Variants in TTC28 observed in about 807,000 individuals in gnomAD.
TTC28 encodes the protein tetratricopeptide repeat protein 28.
Under a neutral mutation model 198.0 loss-of-function variants are expected in TTC28, and 61 were observed. The ratio of observed to expected loss-of-function variants is 0.31; its 90% CI spans 0.25 to 0.38. The LOEUF is 0.38. TTC28 is among the 10% of genes least tolerant of loss of function. The probability of loss-of-function intolerance (pLI) is 1.00; values close to 1 mark genes in which losing one functional copy is unlikely to be tolerated. For missense variants in TTC28, 2,678 were observed against 3,164.0 expected (o/e 0.85, Z 3.69); for synonymous variants, 1,171 against 1,297.8 (o/e 0.90, Z 2.10).
intron 3 of TTC28, among the ~76,000 whole-genome samples, chr22:28,304,738 A>G (rs577325034): frequency 1.3e-5 from 2 of 152,322 alleles, no homozygotes; most frequent in South Asian, 2.1e-4. Context: ...ATTCACTCCA[A>G]TATTCTAAGG....
At position 28,511,476 on chromosome 22, in the gene TTC28, C is replaced by T. The variant is rs191917786; in HGVS notation, c.381+118076G>A. Among the ~76,000 whole-genome samples, 219 of 152,180 alleles carry T rather than the reference C, an allele frequency of 1.4e-3. 1 individual carries two copies. The highest frequency in any genetic ancestry group is 2.6e-3 in the Admixed American group (39 of 15,268). On this transcript the variant is annotated intron_variant, in intron 2 of 22. Transcript: ENST00000397906. ...CCATATGCAGAAAATTAAAACTGGA[C>T]CCCTTCCTTACACCATATACAAAAA...
intron 1 of TTC28, among the ~76,000 whole-genome samples, chr22:28,669,148 G>T (rs2051835569): frequency 8.1e-6 from 1 of 123,852 alleles, no homozygotes; most frequent in South Asian, 3.1e-4. Flanking sequence ...TCTGGGGACT[G>T]TGGTGGGGTA....
intron 5 of TTC28, among the ~76,000 whole-genome samples, chr22:28,242,092 C>A (rs1049746787): frequency 1.3e-5 from 2 of 152,112 alleles, no homozygotes. Flanking sequence ...GAAACTATTT[C>A]GGGGGATCTT....
chr22:28,337,651 T>C (rs1415565913), intron 2 of TTC28, among the ~76,000 whole-genome samples: 2 of 152,190 alleles, frequency 1.3e-5, no homozygotes, highest in Non-Finnish European at 2.9e-5. Context: ...TATCCGAGAG[T>C]AGGATTGCAA....
intron 5 of TTC28, among the ~76,000 whole-genome samples, chr22:28,233,916 T>G (rs1042074544): frequency 5.9e-5 from 9 of 151,428 alleles, no homozygotes; most frequent in South Asian, 2.1e-4. Context: ...TTAGTTTTTT[T>G]TTTTTTTTTT....
intron 1 of TTC28, among the ~76,000 whole-genome samples, chr22:28,674,018 C>T (rs2051934133): frequency 6.6e-6 from 1 of 152,090 alleles, no homozygotes; most frequent in Admixed American, 6.5e-5. Flanking sequence ...GCACACAAAA[C>T]AAGAATCATA....
chr22:28,183,010 C>G (rs1375732975), intron 5 of TTC28, among the ~76,000 whole-genome samples: 1 of 151,530 alleles, frequency 6.6e-6, no homozygotes, highest in African/African-American at 2.4e-5. Flanking sequence ...CTCTTCAGAG[C>G]AGAATTTGAA....
At chr22:28,490,299 C>T (rs2048359022) in intron 2 of TTC28, among the ~76,000 whole-genome samples, 1 of 152,204 alleles carries the variant, frequency 6.6e-6, no homozygotes, top group Admixed American at 6.5e-5. Flanking sequence ...AATGTCATGG[C>T]TTTAAGTAAC....
At chr22:28,066,542 A>G (rs544875405) in intron 12 of TTC28, among the ~76,000 whole-genome samples, 5 of 152,102 alleles carry the variant, frequency 3.3e-5, no homozygotes, top group Non-Finnish European at 7.4e-5. Context: ...TCTATGACTT[A>G]GATTTTTATA....
intron 5 of TTC28, among the ~76,000 whole-genome samples, chr22:28,221,569 C>T (rs1034095081): frequency 2.0e-5 from 3 of 152,168 alleles, no homozygotes; most frequent in Non-Finnish European, 4.4e-5. Flanking sequence ...CATGATAACA[C>T]AGCCTCAGTC....
At position 27,998,860 on chromosome 22, in the gene TTC28, G is replaced by A. The variant is rs1466316295; in HGVS notation, c.4799C>T (p.Pro1600Leu). The stretch of plus-strand genomic sequence containing the variant: ...GGCAGTAAGCAGCAGCTCCTGCAGG[G>A]GCGGGCAGTCCGAGATGCTCTCCCC... ...SDGESISDCP[P>L]LQELLLTAAD... The change falls in exon 16 of 23, where the codon CCC becomes CTC. Residue 1600 changes from proline to leucine, a missense_variant. Physicochemically the swap from Pro to Leu is moderately conservative, Grantham distance 98. Coordinates refer to ENST00000397906, the MANE Select transcript of TTC28 (RefSeq NM_001145418.2). 2 of 1,550,166 alleles carry A rather than the reference G, an allele frequency of 1.3e-6. No individual in the cohort carries two copies. The highest frequency in any genetic ancestry group is 1.7e-6 in the Non-Finnish European group (2 of 1,146,994).
chr22:28,196,454 A>G (rs1330938171), intron 5 of TTC28, among the ~76,000 whole-genome samples: 1 of 152,190 alleles, frequency 6.6e-6, no homozygotes. Context: ...TAATTAAACT[A>G]AAGAGCTTCT....
chr22:28,552,049 T>C (rs9625500), intron 2 of TTC28, among the ~76,000 whole-genome samples: 2,726 of 152,128 alleles, frequency 0.018, 49 homozygotes, highest in Non-Finnish European at 0.025. Context: ...ACAAAATTAA[T>C]ACACACAAAT....
chr22:27,987,762 G>C (rs2146508796), intron 21 of TTC28, among the ~76,000 whole-genome samples: 1 of 152,266 alleles, frequency 6.6e-6, no homozygotes, highest in African/African-American at 2.4e-5. Context: ...ACTCGTGGCA[G>C]TGCCCCCCAA....
chr22:28,381,053 T>C (rs969905175), intron 2 of TTC28, among the ~76,000 whole-genome samples: 22 of 151,674 alleles, frequency 1.5e-4, no homozygotes, highest in Admixed American at 1.2e-3. Context: ...AGGTTTACAG[T>C]TGTTAAAAGA....
At chr22:28,085,448 G>C (rs1478183856) in intron 12 of TTC28, among the ~76,000 whole-genome samples, 1 of 152,112 alleles carries the variant, frequency 6.6e-6, no homozygotes, top group African/African-American at 2.4e-5. Flanking sequence ...ATCCTTTACA[G>C]ACAAGCAAAT....
chr22:28,428,692 G>A lies in TTC28; in HGVS notation c.382-122049C>T, dbSNP rs752308282. 3.0e-4 allele frequency among the ~76,000 whole-genome samples: 46 copies of A among 151,466 alleles called. 1 individual carries two copies. Among genetic ancestry groups the A allele is most frequent in the Non-Finnish European group, 4.7e-4 (32 of 67,884 alleles). ...CTTGTTCTGTTGCCCAGGCTGGAGT[G>A]CAGTGGCACAATCTCAGCTCACTGC... On this transcript the variant is annotated intron_variant, in intron 2 of 22. Transcript: ENST00000397906.
chr22:28,523,686 T>C (rs2048951222), intron 2 of TTC28, among the ~76,000 whole-genome samples: 1 of 152,122 alleles, frequency 6.6e-6, no homozygotes, highest in Non-Finnish European at 1.5e-5. Flanking sequence ...CTCAGAAAGA[T>C]TAAGTTATTT....
In TTC28 at chr22:28,567,372, C is replaced by G. The variant is rs369225176; in HGVS notation, c.381+62180G>C. On this transcript the variant is annotated intron_variant, in intron 2 of 22. Coordinates refer to ENST00000397906, the MANE Select transcript of TTC28 (RefSeq NM_001145418.2). ...CCACTGCACTCTAGCCTGAGTGACA[C>G]AGCAAGACCCTGTCTCAAAAAAAAA... 1.2e-3 allele frequency among the ~76,000 whole-genome samples: 182 copies of G among 146,596 alleles called. 3 individuals are homozygous for G. The highest frequency in any genetic ancestry group is 1.4e-3 in the Non-Finnish European group (93 of 66,684).
Sources: allele counts gnomAD v4.1 joint callset (sites outside exome capture counted in the v4.1 genomes callset), GRCh38; gene constraint gnomAD v4.1.1; transcripts MANE v1.5; gene names NCBI Gene and HGNC (gene_info 2026-07-23, HGNC 2026-07-21).